LCLAT1: variants seen among roughly 807,000 people sequenced by gnomAD.
LCLAT1 encodes lysocardiolipin acyltransferase 1.
In LCLAT1, 11 loss-of-function variants were observed where a neutral mutation model predicts 30.7. The observed-to-expected ratio is 0.36, with a 90% CI of 0.23 to 0.59. The LOEUF (loss-of-function observed/expected upper bound fraction) is 0.59, where lower values mean the gene tolerates loss of function less well. Among genes scored for constraint, LCLAT1 ranks in the 20% least tolerant of loss-of-function variants. The probability of loss-of-function intolerance (pLI) is 0.77; values close to 1 mark genes in which losing one functional copy is unlikely to be tolerated. For synonymous variants in LCLAT1, 155 were observed against 151.3 expected (o/e 1.02, Z -0.18); for missense variants, 402 against 458.6 (o/e 0.88, Z 1.13).
intron 5 of LCLAT1, among the ~76,000 whole-genome samples, chr2:30,634,457 C>T (rs1668924954): frequency 6.6e-6 from 1 of 152,190 alleles, no homozygotes; most frequent in African/African-American, 2.4e-5. Context: ...GAAACCCCAT[C>T]TCTACTAAAA....
intron 5 of LCLAT1, chr2:30,606,313 C>T: frequency 3.4e-6 from 1 of 290,262 alleles, no homozygotes; most frequent in Admixed American, 5.1e-5. Context: ...CAGCTGGAGG[C>T]ATCACATTAC....
chr2:30,520,662 C>T (rs1685430731), intron 1 of LCLAT1, among the ~76,000 whole-genome samples: 2 of 151,916 alleles, frequency 1.3e-5, no homozygotes, highest in South Asian at 4.2e-4. Context: ...TGAAACAGTG[C>T]CTGAAATATT....
At chr2:30,580,334 C>G (rs941646343) in intron 5 of LCLAT1, among the ~76,000 whole-genome samples, 1 of 152,106 alleles carries the variant, frequency 6.6e-6, no homozygotes, top group African/African-American at 2.4e-5. Context: ...TGGATATATG[C>G]TGTCTAAGGT....
chr2:30,520,799 T>A (rs1685435525), intron 1 of LCLAT1, among the ~76,000 whole-genome samples: 1 of 152,228 alleles, frequency 6.6e-6, no homozygotes, highest in African/African-American at 2.4e-5. Flanking sequence ...TTTTTAAAAA[T>A]TTATTTAAAA....
intron 5 of LCLAT1, among the ~76,000 whole-genome samples, chr2:30,600,539 G>C (rs1161236585): frequency 6.6e-6 from 1 of 152,130 alleles, no homozygotes; most frequent in Non-Finnish European, 1.5e-5. Context: ...AAGACACAGA[G>C]ATATGAAAAA....
chr2:30,528,733 G>A (rs1685852470), intron 2 of LCLAT1, among the ~76,000 whole-genome samples: 1 of 152,094 alleles, frequency 6.6e-6, no homozygotes, highest in Non-Finnish European at 1.5e-5. Context: ...TTTAACACAT[G>A]GGTAAGATTT....
chr2:30,490,223 G>A (rs1221386394), intron 1 of LCLAT1, among the ~76,000 whole-genome samples: 2 of 128,058 alleles, frequency 1.6e-5, no homozygotes, highest in Admixed American at 1.7e-4. Flanking sequence ...TTTTTTTTGA[G>A]ACAGAGTCTC....
intron 1 of LCLAT1, 96 bp from the exon 2 acceptor site, chr2:30,525,491 T>C (rs1685666012): frequency 7.2e-6 from 7 of 973,152 alleles, no homozygotes; most frequent in Non-Finnish European, 1.1e-5. Flanking sequence ...TCTGTAGCCC[T>C]AAAATTAGTG....
intron 5 of LCLAT1, among the ~76,000 whole-genome samples, chr2:30,632,408 A>AT (rs1409549859): frequency 6.6e-6 from 1 of 152,220 alleles, no homozygotes. Context: ...AGAGGAATAT[A>AT]TGCCAGACAT....
At chr2:30,568,803 G>A (rs1409131810) in intron 5 of LCLAT1, among the ~76,000 whole-genome samples, 4 of 126,388 alleles carry the variant, frequency 3.2e-5, no homozygotes, top group Non-Finnish European at 6.3e-5. Flanking sequence ...CACGGCGCCC[G>A]GCCAAAAATG....
At chr2:30,525,107 A>G (rs1685646146) in intron 1 of LCLAT1, among the ~76,000 whole-genome samples, 1 of 151,958 alleles carries the variant, frequency 6.6e-6, no homozygotes, top group South Asian at 2.1e-4. Context: ...TGTTGAGAGT[A>G]TCAGTTTCTT....
At chr2:30,471,796 C>G (rs571418665) in intron 1 of LCLAT1, among the ~76,000 whole-genome samples, 2 of 152,160 alleles carry the variant, frequency 1.3e-5, no homozygotes, top group East Asian at 3.9e-4. Flanking sequence ...TAAGGATTTT[C>G]TATACATAGG....
intron 5 of LCLAT1, among the ~76,000 whole-genome samples, chr2:30,615,037 G>A (rs1667929480): frequency 6.6e-6 from 1 of 152,170 alleles, no homozygotes; most frequent in South Asian, 2.1e-4. Flanking sequence ...AGAAATGAAA[G>A]AGGATTGAAG....
intron 1 of LCLAT1, among the ~76,000 whole-genome samples, chr2:30,482,734 G>A (rs1683380211): frequency 6.6e-6 from 1 of 151,134 alleles, no homozygotes; most frequent in African/African-American, 2.4e-5. Context: ...CTAGTAGTTC[G>A]ATTAAGAGCA....
intron 5 of LCLAT1, among the ~76,000 whole-genome samples, chr2:30,626,857 G>A (rs1046872486): frequency 6.6e-6 from 1 of 151,322 alleles, no homozygotes; most frequent in African/African-American, 2.4e-5. Flanking sequence ...TTTTCCTTTT[G>A]ATTTTATCTT....
At position 30,605,929 on chromosome 2, in the gene LCLAT1, A is replaced by G. The variant is rs981556579; in HGVS notation, c.629-34188A>G. Reference sequence around the variant, plus strand: ...GTTAGATTCTCATAAGGAGCGCGCAACCTAGATCCCTCACTTGCACAGTTC... The same window carrying G: ...GTTAGATTCTCATAAGGAGCGCGCAGCCTAGATCCCTCACTTGCACAGTTC... On this transcript the variant is annotated intron_variant, in intron 5 of 5. Transcript: ENST00000379509. 70 of 999,546 alleles carry G rather than the reference A, an allele frequency of 7.0e-5. 1 individual carries two copies. The highest frequency in any genetic ancestry group is 8.9e-5 in the Non-Finnish European group (68 of 765,482). 61.9% of individuals were successfully genotyped at this position (999,546 alleles called of 1,614,324 possible). A position where few individuals can be genotyped will look rare whatever the true frequency, so the allele number is the denominator to read the frequency against.
At chr2:30,633,247 C>T (rs1022263390) in intron 5 of LCLAT1, among the ~76,000 whole-genome samples, 1 of 152,172 alleles carries the variant, frequency 6.6e-6, no homozygotes, top group Admixed American at 6.5e-5. Context: ...CTCAGCATTT[C>T]CTTTCAACTC....
At chr2:30,630,989 T>C (rs747612855) in intron 5 of LCLAT1, among the ~76,000 whole-genome samples, 1 of 152,224 alleles carries the variant, frequency 6.6e-6, no homozygotes, top group Non-Finnish European at 1.5e-5. Flanking sequence ...TAAGTTGTAA[T>C]TGATGATTAA....
At chr2:30,448,586 G>T (rs1165548462) in intron 1 of LCLAT1, among the ~76,000 whole-genome samples, 1 of 152,204 alleles carries the variant, frequency 6.6e-6, no homozygotes, top group African/African-American at 2.4e-5. Flanking sequence ...TGCCAACTAT[G>T]TGTCAGTTTC....
Sources: gnomAD v4.1 joint callset for allele counts (sites outside exome capture counted in the v4.1 genomes callset) on GRCh38, gnomAD v4.1.1 for gene constraint, MANE v1.5 for transcripts, NCBI Gene and HGNC (gene_info 2026-07-23, HGNC 2026-07-21) for gene names.